USP33: variants seen among roughly 807,000 people sequenced by gnomAD.
The protein encoded by USP33 is ubiquitin specific peptidase 33.
In USP33, 46 loss-of-function variants were observed where a neutral mutation model predicts 124.2. That is an observed-to-expected ratio of 0.37 (90% CI 0.29 to 0.47). The LOEUF is 0.47. Ranked by LOEUF, USP33 falls within the 20% of genes least tolerant of loss-of-function variation. The pLI, the probability that USP33 is intolerant of heterozygous loss-of-function variation, is 0.99. For synonymous variants in USP33, 350 were observed against 352.3 expected, an observed-to-expected ratio of 0.99 and a Z score of 0.07; for missense variants, 851 against 1,070.6, an observed-to-expected ratio of 0.79 and a Z score of 2.86.
chr1:77,731,989 AG>A (rs982209299), intron 7 of USP33, among the ~76,000 whole-genome samples: 2 of 151,858 alleles, frequency 1.3e-5, no homozygotes, highest in Non-Finnish European at 2.9e-5. Flanking sequence ...CTGTGGTCGT[AG>A]CTACTTGGCA....
chr1:77,705,367 G>C (rs1264567769), intron 21 of USP33, among the ~76,000 whole-genome samples: 1 of 151,684 alleles, frequency 6.6e-6, no homozygotes, highest in African/African-American at 2.4e-5. Context: ...GCTAATTTTT[G>C]TATTTTTAGT....
chr1:77,715,862 T>TG lies in USP33; in HGVS notation c.1924dup (p.His642ProfsTer12), dbSNP rs1336768387. 6.2e-7 allele frequency: 1 copy of TG among 1,610,424 alleles called. No individual in the cohort carries two copies. Among genetic ancestry groups the TG allele is most frequent in the Admixed American group, 1.7e-5 (1 of 59,430 alleles). On this transcript the variant is annotated frameshift_variant, in exon 18 of 24. Coordinates refer to ENST00000370794, the MANE Select transcript of USP33 (RefSeq NM_201624.3). LOFTEE classifies it high-confidence loss of function. ...ATTGTTTCGGCAGTAGGCTATATAGTGTCCACCTGAATTTGAGGGAAAAGA... is the reference window on the plus strand; with the variant it reads ...ATTGTTTCGGCAGTAGGCTATATAGTGGTCCACCTGAATTTGAGGGAAAAGA...
At chr1:77,702,312 T>C (rs1009426221) in intron 21 of USP33, among the ~76,000 whole-genome samples, 3 of 152,070 alleles carry the variant, frequency 2.0e-5, no homozygotes, top group Admixed American at 6.6e-5. Flanking sequence ...TAAATGAAGA[T>C]GGTCAAGACA....
intron 11 of USP33, among the ~76,000 whole-genome samples, chr1:77,724,063 A>T (rs529693244): frequency 6.6e-6 from 1 of 152,094 alleles, no homozygotes. Flanking sequence ...CAAATGCTTC[A>T]TCACTGGGAT....
chr1:77,728,760 T>A, intron 9 of USP33, 48 bp from the exon 10 acceptor site: 1 of 1,553,256 alleles, frequency 6.4e-7, no homozygotes, highest in Non-Finnish European at 8.7e-7. Context: ...CATGTGTATA[T>A]AGAAACGTAA....
chr1:77,752,837 C>G (rs929385634), intron 1 of USP33, among the ~76,000 whole-genome samples: 2 of 150,924 alleles, frequency 1.3e-5, no homozygotes, highest in Non-Finnish European at 3.0e-5. Context: ...CAGCACTTTG[C>G]GAGGCCGAGG....
intron 23 of USP33, 91 bp from the exon 24 acceptor site, chr1:77,697,565 C>T (rs887268029): frequency 7.0e-6 from 10 of 1,423,968 alleles, no homozygotes; most frequent in African/African-American, 5.8e-5. Context: ...TGAATCTTCT[C>T]GGGATAATTG....
Position 77,736,081 on chromosome 1 carries a change from A to G in USP33, c.429T>C (p.Asp143=), listed in dbSNP as rs1678411080. ...CTCTGGCCCTAAGTTCATCTTCTTC[A>G]TCCGCTTCTATATCCAGATCATCAA... ...AVFDDLDIEA[D]EEDELRARGL... is the part of the protein sequence containing the mutation. Residue 143 remains aspartate, a synonymous_variant, in exon 6 of 24, where the codon GAT becomes GAC. Transcript: ENST00000370794. 5 of 1,612,406 alleles carry G rather than the reference A, an allele frequency of 3.1e-6. No individual in the cohort carries two copies. The East Asian group carries it at 1.1e-4, about 36-fold the overall frequency.
chr1:77,696,250 ATCGTAGTGACACAT>A lies in USP33; in HGVS notation c.*1053_*1066del, dbSNP rs1673434313. 6.5e-6 allele frequency: 1 copy of A among 152,766 alleles called. No homozygotes were observed. The highest frequency in any genetic ancestry group is 2.1e-4 in the South Asian group (1 of 4,834). 9.5% of individuals were successfully genotyped at this position (152,766 alleles called of 1,614,324 possible). A position where few individuals can be genotyped will look rare whatever the true frequency, so the allele number is the denominator to read the frequency against. ...GCAAGTGGCCTCAGCTTTATCAACA[ATCGTAGTGACACAT>A]TCCACACTTCATGCTCTCAAAATAA... On this transcript the variant is annotated 3_prime_UTR_variant, in exon 24 of 24. Transcript: ENST00000370794.
At chr1:77,732,927 G>A (rs1164539946) in intron 7 of USP33, among the ~76,000 whole-genome samples, 1 of 151,254 alleles carries the variant, frequency 6.6e-6, no homozygotes, top group East Asian at 2.0e-4. Context: ...TCGAGTAGCT[G>A]GGATTACAGG....
At chr1:77,733,980 C>T (rs947418378) in intron 7 of USP33, among the ~76,000 whole-genome samples, 4 of 151,550 alleles carry the variant, frequency 2.6e-5, no homozygotes, top group African/African-American at 9.7e-5. Context: ...TGTAAGACTA[C>T]GATTAAAAAA....
chr1:77,748,956 A>G (rs1680030446), intron 1 of USP33, among the ~76,000 whole-genome samples: 1 of 152,148 alleles, frequency 6.6e-6, no homozygotes, highest in African/African-American at 2.4e-5. Context: ...ATTATATGCT[A>G]TGCTGCCTCT....
At chr1:77,735,970 T>G (rs556770374) in intron 6 of USP33, 86 bp downstream of exon 6, 1 of 995,068 alleles carries the variant, frequency 1.0e-6, no homozygotes, top group African/African-American at 1.7e-5. Context: ...CCATTTTACC[T>G]CCACATTTTG....
intron 21 of USP33, among the ~76,000 whole-genome samples, chr1:77,704,758 CCATT>C (rs1674426961): frequency 6.6e-6 from 1 of 152,158 alleles, no homozygotes; most frequent in African/African-American, 2.4e-5. Context: ...ATTTATTTTG[CCATT>C]CAATCAACCC....
intron 1 of USP33, among the ~76,000 whole-genome samples, chr1:77,743,813 G>C (rs1679406056): frequency 6.6e-6 from 1 of 152,140 alleles, no homozygotes; most frequent in Non-Finnish European, 1.5e-5. Flanking sequence ...TTAATCTAAA[G>C]GTTACTTTGG....
intron 4 of USP33, among the ~76,000 whole-genome samples, chr1:77,739,842 A>C (rs1678914533): frequency 6.6e-6 from 1 of 152,244 alleles, no homozygotes; most frequent in African/African-American, 2.4e-5. Flanking sequence ...GAAAGATAAA[A>C]GTCTAGCCTT....
At chr1:77,715,925 G>C (rs933023124) in intron 17 of USP33, 57 bp from the exon 18 acceptor site, 11 of 1,538,944 alleles carry the variant, frequency 7.1e-6, no homozygotes, top group Middle Eastern at 2.2e-4. Context: ...GAAGAAAGGA[G>C]GATAAACTTT....
At chr1:77,707,352 T>C (rs1674744727) in intron 21 of USP33, among the ~76,000 whole-genome samples, 1 of 152,186 alleles carries the variant, frequency 6.6e-6, no homozygotes, top group Non-Finnish European at 1.5e-5. Context: ...TTCCAATCTC[T>C]GCCTCCATCT....
In USP33 at chr1:77,715,662, T is replaced by A. The variant is rs550611251; in HGVS notation, c.2045+80A>T. The A allele has an allele frequency of 7.4e-5, 109 of 1,474,598 alleles. 1 individual carries two copies. In the African/African-American group the frequency reaches 1.4e-3, roughly 19 times the overall value. The allele number at this position is 1,474,598 out of a possible 1,614,324, so 91.3% of individuals were successfully genotyped here. On this transcript the variant is annotated intron_variant, in intron 18 of 23. Coordinates refer to ENST00000370794, the MANE Select transcript of USP33 (RefSeq NM_201624.3). ...ACAATTCCTAATCTTGACTCAGCAA[T>A]CCATTAGAATGTCTTAGAAGTCACT...
Sources: allele counts gnomAD v4.1 joint callset (sites outside exome capture counted in the v4.1 genomes callset), GRCh38; gene constraint gnomAD v4.1.1; transcripts MANE v1.5; gene names NCBI Gene and HGNC (gene_info 2026-07-23, HGNC 2026-07-21).